The following RBFOX1 variants were observed in gnomAD, a reference collection of about 807,000 sequenced individuals.
RBFOX1 encodes the protein RNA binding fox-1 homolog 1.
A neutral mutation model predicts 57.7 loss-of-function variants in RBFOX1; 8 were observed. That is an observed-to-expected ratio of 0.14 (90% confidence interval 0.08 to 0.25). The LOEUF (loss-of-function observed/expected upper bound fraction) is 0.25, where lower values mean the gene tolerates loss of function less well. Ranked by LOEUF, RBFOX1 falls within the 10% of genes least tolerant of loss-of-function variation. The probability of loss-of-function intolerance (pLI) is 1.00; values close to 1 mark genes in which losing one functional copy is unlikely to be tolerated. For missense variants in RBFOX1, 611 were observed against 548.5 expected (o/e 1.11, Z -1.14); for synonymous variants, 326 against 222.4 (o/e 1.47, Z -4.15).
At chr16:5,255,449 C>A (rs1224001437) in intron 1 of RBFOX1, among the ~76,000 whole-genome samples, 1 of 150,494 alleles carries the variant, frequency 6.6e-6, no homozygotes, top group Admixed American at 6.6e-5. Context: ...TCCATCCAAT[C>A]CACTCTCTTG....
rs527400041 is a variant in RBFOX1, at chr16:7,278,116, G to C, written c.27+226018G>C. Among the ~76,000 whole-genome samples the C allele has an allele frequency of 5.3e-5, 8 of 152,090 alleles. No individual in the cohort carries two copies. In the East Asian group the frequency reaches 1.6e-3, roughly 30 times the overall value. On this transcript the variant is annotated intron_variant, in intron 4 of 15. Transcript: ENST00000550418. Reference sequence around the variant, plus strand: ...CTTAATGAATCCATAGTGGTATTTGGCTCCGCTTGGTTTCCAAAATTGTAA... The same window carrying C: ...CTTAATGAATCCATAGTGGTATTTGCCTCCGCTTGGTTTCCAAAATTGTAA...
chr16:6,476,521 A>C (rs1293285381), intron 2 of RBFOX1, among the ~76,000 whole-genome samples: 1 of 152,208 alleles, frequency 6.6e-6, no homozygotes, highest in Non-Finnish European at 1.5e-5. Flanking sequence ...TATCTAAAAA[A>C]CGACGTGCAT....
intron 4 of RBFOX1, among the ~76,000 whole-genome samples, chr16:5,983,524 C>T (rs776585102): frequency 5.9e-5 from 9 of 152,166 alleles, no homozygotes; most frequent in Non-Finnish European, 1.0e-4. Context: ...AAAAACCGCA[C>T]AGCCCAGTTC....
At chr16:6,886,321 C>CA (rs2064020637) in intron 3 of RBFOX1, among the ~76,000 whole-genome samples, 1 of 152,018 alleles carries the variant, frequency 6.6e-6, no homozygotes, top group Non-Finnish European at 1.5e-5. Flanking sequence ...CTCGACCTCC[C>CA]AAAGTGCTGG....
At chr16:6,241,916 G>T (rs914285932) in intron 1 of RBFOX1, among the ~76,000 whole-genome samples, 3 of 152,154 alleles carry the variant, frequency 2.0e-5, no homozygotes, top group Non-Finnish European at 2.9e-5. Flanking sequence ...TCTGCTTAGG[G>T]TTTTCACTGA....
intron 3 of RBFOX1, among the ~76,000 whole-genome samples, chr16:6,916,729 A>G (rs2073257905): frequency 6.6e-6 from 1 of 152,122 alleles, no homozygotes; most frequent in Admixed American, 6.6e-5. Context: ...CTCTTGCATA[A>G]GCTCGGATTA....
intron 4 of RBFOX1, among the ~76,000 whole-genome samples, chr16:7,200,879 G>A (rs549261558): frequency 2.0e-5 from 3 of 152,268 alleles, no homozygotes; most frequent in Non-Finnish European, 4.4e-5. Context: ...AGGCAACTTC[G>A]TTGGTGGAAT....
chr16:5,524,790 C>T (rs150799004), intron 2 of RBFOX1, among the ~76,000 whole-genome samples: 3 of 152,062 alleles, frequency 2.0e-5, no homozygotes, highest in Admixed American at 6.5e-5. Flanking sequence ...ATCTTCCAGT[C>T]TCGGCCTCCC....
At chr16:7,000,658 G>C (rs999190481) in intron 3 of RBFOX1, among the ~76,000 whole-genome samples, 4 of 130,880 alleles carry the variant, frequency 3.1e-5, no homozygotes, top group African/African-American at 1.2e-4. Flanking sequence ...AGGCTGGAGT[G>C]CAGTGGCATG....
At chr16:7,688,258 TGTGAGAGAGAGA>T (rs1256583990) in intron 14 of RBFOX1, among the ~76,000 whole-genome samples, 4 of 128,398 alleles carry the variant, frequency 3.1e-5, no homozygotes, top group African/African-American at 1.2e-4. Context: ...TGTGTGTGTG[TGTGAGAGAGAGA>T]GAGAGAGAGA....
At chr16:6,982,019 G>A (rs1037865015) in intron 3 of RBFOX1, among the ~76,000 whole-genome samples, 7 of 152,098 alleles carry the variant, frequency 4.6e-5, no homozygotes, top group East Asian at 1.9e-4. Context: ...TTGAACCCTC[G>A]TGTTTTACCT....
chr16:7,134,694 C>T (rs988900215), intron 4 of RBFOX1, among the ~76,000 whole-genome samples: 3 of 152,170 alleles, frequency 2.0e-5, no homozygotes, highest in Non-Finnish European at 4.4e-5. Flanking sequence ...ACTTAGAAAT[C>T]CTGACTGTGA....
At chr16:6,372,766 T>G (rs991274986) in intron 2 of RBFOX1, among the ~76,000 whole-genome samples, 4 of 150,958 alleles carry the variant, frequency 2.6e-5, no homozygotes, top group Non-Finnish European at 4.4e-5. Flanking sequence ...TTGGTTAGGA[T>G]TGTTGGGTAG....
intron 1 of RBFOX1, among the ~76,000 whole-genome samples, chr16:6,264,697 C>G (rs1019443019): frequency 1.3e-5 from 2 of 152,198 alleles, no homozygotes; most frequent in Non-Finnish European, 2.9e-5. Flanking sequence ...AAGCCACACC[C>G]CTTGGAAAGC....
intron 11 of RBFOX1, among the ~76,000 whole-genome samples, chr16:7,637,144 G>A (rs1597051344): frequency 6.6e-6 from 1 of 152,054 alleles, no homozygotes; most frequent in South Asian, 2.1e-4. Context: ...ATGCCAATGA[G>A]CGCGTTTTCC....
chr16:5,369,193 G>A (rs1405863319), intron 1 of RBFOX1, among the ~76,000 whole-genome samples: 1 of 152,130 alleles, frequency 6.6e-6, no homozygotes, highest in East Asian at 1.9e-4. Flanking sequence ...GTGGAGACTG[G>A]GTTTTACCAT....
At chr16:6,917,277 G>T (rs1207673347) in intron 3 of RBFOX1, among the ~76,000 whole-genome samples, 1 of 152,168 alleles carries the variant, frequency 6.6e-6, no homozygotes, top group African/African-American at 2.4e-5. Flanking sequence ...TACTGTTAGG[G>T]ACTCATTTGT....
At chr16:5,396,037 C>G (rs549662770) in intron 1 of RBFOX1, among the ~76,000 whole-genome samples, 1 of 152,302 alleles carries the variant, frequency 6.6e-6, no homozygotes, top group East Asian at 1.9e-4. Flanking sequence ...GGGAGAGAAC[C>G]CAACTAAGCC....
intron 4 of RBFOX1, among the ~76,000 whole-genome samples, chr16:7,246,738 G>A (rs944923547): frequency 3.3e-5 from 5 of 149,544 alleles, no homozygotes; most frequent in Admixed American, 1.3e-4. Flanking sequence ...TGACTGCGGT[G>A]GTATCAGCAC....
Sources: gnomAD v4.1 joint callset for allele counts (sites outside exome capture counted in the v4.1 genomes callset) on GRCh38, gnomAD v4.1.1 for gene constraint, MANE v1.5 for transcripts, NCBI Gene and HGNC (gene_info 2026-07-23, HGNC 2026-07-21) for gene names.